The following RBPJ variants were observed in gnomAD, a reference collection of about 807,000 sequenced individuals.
RBPJ encodes the protein recombining binding protein suppressor of hairless.
Under a neutral mutation model 67.8 loss-of-function variants are expected in RBPJ, and 9 were observed. The observed-to-expected ratio is 0.13, with a 90% CI of 0.08 to 0.23. RBPJ has a LOEUF of 0.23. RBPJ is among the 10% of genes least tolerant of loss of function. RBPJ has a pLI of 1.00. For missense variants in RBPJ, 305 were observed against 595.6 expected (o/e 0.51, Z 5.08); for synonymous variants, 198 against 203.3 (o/e 0.97, Z 0.22).
At chr4:26,226,023 C>A (rs1443260811) in intron 1 of RBPJ, among the ~76,000 whole-genome samples, 1 of 151,766 alleles carries the variant, frequency 6.6e-6, no homozygotes. Context: ...ATGGTGGTTG[C>A]CTGTAATCTC....
intron 1 of RBPJ, among the ~76,000 whole-genome samples, chr4:26,352,635 G>A (rs767261562): frequency 5.9e-5 from 9 of 152,310 alleles, no homozygotes; most frequent in African/African-American, 1.7e-4. Context: ...CCTGGGAGGC[G>A]GAGGTTGCAG....
chr4:26,158,918 T>A (rs1439448508), upstream of RBPJ, among the ~76,000 whole-genome samples: 3 of 150,160 alleles, frequency 2.0e-5, no homozygotes, highest in African/African-American at 7.3e-5. Flanking sequence ...CTTGTGACTT[T>A]TAAGAAGACT....
rs144701902 is a variant in RBPJ at position 26,210,163 on chromosome 4, G to A, written c.-167+46549G>A. Among the ~76,000 whole-genome samples the A allele has an allele frequency of 7.6e-4, 115 of 152,178 alleles. 1 individual carries two copies. Among genetic ancestry groups the A allele is most frequent in the African/African-American group, 2.6e-3 (108 of 41,528 alleles). On this transcript the variant is annotated intron_variant, in intron 1 of 4. Coordinates refer to the RBPJ transcript ENST00000512351. ...CTTAATGGGATACAAAACCACAATC[G>A]TTTTAGGGGATAAAAGATAACTCTC...
chr4:26,424,997 G>A lies in RBPJ; in HGVS notation c.747+254G>A, dbSNP rs1346856189. 4.5e-6 allele frequency: 2 copies of A among 441,192 alleles called. No individual in the cohort carries two copies. Among genetic ancestry groups the A allele is most frequent in the African/African-American group, 2.0e-5 (1 of 48,912 alleles). The allele number at this position is 441,192 out of a possible 1,614,324, so 27.3% of individuals were successfully genotyped here. On this transcript the variant is annotated intron_variant, in intron 7 of 10. Coordinates refer to ENST00000355476, the MANE Select transcript of RBPJ (RefSeq NM_015874.6). The surrounding 1 kb of genome is among the most constrained non-coding windows in gnomAD (Gnocchi z 5.3). ...CTTAAATGATTTCCAATATATTTTG[G>A]TGGCAATTTCCTTTTTGGCTGTTTA...
rs774456375 is a variant in RBPJ at position 26,424,397 on chromosome 4, A to G, written c.552A>G (p.Thr184=). The part of the protein sequence containing the change: ...VALFNRLRSQ[T]VSTRYLHVEG... The stretch of plus-strand genomic sequence containing the variant: ...TGTTTAATCGACTACGATCCCAGAC[A>G]GTTAGTACCAGATACTTGCATGTAG... The change falls in exon 6 of 11, where the codon ACA becomes ACG. Residue 184 remains threonine (T), a synonymous_variant. Coordinates refer to ENST00000355476, the MANE Select transcript of RBPJ (RefSeq NM_015874.6). The surrounding 1 kb of genome is among the most constrained non-coding windows in gnomAD (Gnocchi z 5.3). The G allele has an allele frequency of 1.2e-6, 2 of 1,614,116 alleles. No homozygotes were observed. Among genetic ancestry groups the G allele is most frequent in the Non-Finnish European group, 1.7e-6 (2 of 1,179,960 alleles).
intron 1 of RBPJ, among the ~76,000 whole-genome samples, chr4:26,238,849 C>T (rs1275336441): frequency 1.3e-5 from 2 of 152,090 alleles, no homozygotes; most frequent in South Asian, 4.1e-4. Context: ...AGGACAACGG[C>T]TTGGAAGAGT....
the RBPJ span, among the ~76,000 whole-genome samples, chr4:26,136,564 C>T: frequency 6.6e-6 from 1 of 152,182 alleles, no homozygotes; most frequent in East Asian, 1.9e-4. Context: ...CCATCCCTGC[C>T]CCCATGCCTC....
At chr4:26,153,317 T>C in the RBPJ span, among the ~76,000 whole-genome samples, 1 of 152,204 alleles carries the variant, frequency 6.6e-6, no homozygotes, top group Non-Finnish European at 1.5e-5. Flanking sequence ...AAACCGTTAA[T>C]GCAGTGAAAA....
intron 3 of RBPJ, among the ~76,000 whole-genome samples, chr4:26,406,978 A>G (rs1733479802): frequency 6.6e-6 from 1 of 152,212 alleles, no homozygotes. Context: ...TGAAGGTGGA[A>G]CTTTTCTACT....
intron 1 of RBPJ, among the ~76,000 whole-genome samples, chr4:26,323,220 C>G (rs1433739405): frequency 1.3e-5 from 2 of 151,918 alleles, no homozygotes; most frequent in Admixed American, 6.6e-5. Context: ...TCTTATGTCT[C>G]CCTTACTTGT....
At chr4:26,186,165 A>G (rs1717246483) in intron 1 of RBPJ, among the ~76,000 whole-genome samples, 1 of 150,880 alleles carries the variant, frequency 6.6e-6, no homozygotes, top group South Asian at 2.1e-4. Context: ...AGAATACCGT[A>G]ACTTCTTTCT....
At chr4:26,320,884 C>T (rs534646781), upstream of RBPJ, 912 of 1,581,094 alleles carry the variant, frequency 5.8e-4, 9 homozygotes, top group East Asian at 0.015. Context: ...TCTGGCTCTT[C>T]GCGGCGGCGG....
upstream of RBPJ, chr4:26,320,026 G>A (rs1722853018): frequency 4.2e-6 from 3 of 709,596 alleles, no homozygotes; most frequent in Non-Finnish European, 7.1e-6. Context: ...GCTGTGCCAG[G>A]CCCTCGGGTG....
At chr4:26,316,017 A>T (rs183685487), upstream of RBPJ, among the ~76,000 whole-genome samples, 271 of 152,146 alleles carry the variant, frequency 1.8e-3, 1 homozygote, top group Non-Finnish European at 3.1e-3. Flanking sequence ...CTGATTTCAT[A>T]TTGTTCAAAC....
intron 1 of RBPJ, among the ~76,000 whole-genome samples, chr4:26,365,011 C>A (rs940228103): frequency 1.3e-5 from 2 of 151,768 alleles, no homozygotes; most frequent in African/African-American, 4.8e-5. Context: ...ATTATTGTGA[C>A]AAGTTCTAAG....
At chr4:26,210,732 T>TTTCC (rs1560212120) in intron 1 of RBPJ, among the ~76,000 whole-genome samples, 11 of 74,846 alleles carry the variant, frequency 1.5e-4, no homozygotes, top group African/African-American at 5.5e-4. Flanking sequence ...TCTTTCCTTC[T>TTTCC]TTACTTCTTT....
chr4:26,353,282 G>C (rs1018605170), intron 1 of RBPJ, among the ~76,000 whole-genome samples: 5 of 152,230 alleles, frequency 3.3e-5, no homozygotes, highest in African/African-American at 1.2e-4. Context: ...CTATGCAGCA[G>C]ATCACAGCAA....
chr4:26,272,593 T>A lies in RBPJ; in HGVS notation c.-166-89853T>A, dbSNP rs1217036219. On this transcript the variant is annotated intron_variant, in intron 1 of 4. Transcript: ENST00000512351. ...CTATCTCTACAATAAATAAAATAAA[T>A]AAAAAATAAATAAAAAACAAAACTA... The A allele has an allele frequency of 7.2e-6, 3 of 415,164 alleles. No individual in the cohort carries two copies. The East Asian group carries it at 2.2e-4, about 30-fold the overall frequency. 25.7% of individuals were successfully genotyped at this position (415,164 alleles called of 1,614,324 possible).
chr4:26,173,303 T>G (rs914676374), intron 1 of RBPJ, among the ~76,000 whole-genome samples: 16 of 152,118 alleles, frequency 1.1e-4, no homozygotes, highest in African/African-American at 3.1e-4. Flanking sequence ...GCCCGGCTAA[T>G]TTTTGTATTT....
Sources: gnomAD v4.1 joint callset for allele counts (sites outside exome capture counted in the v4.1 genomes callset) on GRCh38, gnomAD v4.1.1 for gene constraint, Gnocchi (gnomAD v3.1) non-coding constraint, MANE v1.5 for transcripts, NCBI Gene and HGNC (gene_info 2026-07-23, HGNC 2026-07-21) for gene names.